UGT1A8: variants seen among roughly 807,000 people sequenced by gnomAD.
The protein encoded by UGT1A8 is UDP-glucuronosyltransferase 1A8.
A neutral mutation model predicts 45.3 loss-of-function variants in UGT1A8; 39 were observed. That is an observed-to-expected ratio of 0.86 (90% CI 0.67 to 1.12). UGT1A8 has a LOEUF of 1.12. UGT1A8 is among the 50% of genes most tolerant of loss of function. The pLI is 0.00. For missense variants in UGT1A8, 719 were observed against 664.9 expected (o/e 1.08, Z -0.90); for synonymous variants, 275 against 249.2 (o/e 1.10, Z -0.97).
intron 1 of UGT1A8, among the ~76,000 whole-genome samples, chr2:233,687,650 C>A (rs1194138465): frequency 1.3e-5 from 2 of 148,726 alleles, no homozygotes; most frequent in Non-Finnish European, 3.0e-5. Context: ...CACATGTAAT[C>A]ACAGCACTTT....
At chr2:233,754,607 T>G (rs1695531840) in intron 1 of UGT1A8, 1 of 435,160 alleles carries the variant, frequency 2.3e-6, no homozygotes, top group Admixed American at 2.6e-5. Flanking sequence ...AACTCAACTC[T>G]CCATCTTCCT....
At chr2:233,755,051 C>A in intron 1 of UGT1A8, 1 of 1,331,262 alleles carries the variant, frequency 7.5e-7, no homozygotes, top group East Asian at 4.6e-5. Flanking sequence ...AGCCGCCCTC[C>A]GCCCTCGCCT....
At chr2:233,722,847 T>TATGAAGACACTAC (rs1484611213) in intron 1 of UGT1A8, among the ~76,000 whole-genome samples, 1 of 139,226 alleles carries the variant, frequency 7.2e-6, no homozygotes, top group African/African-American at 2.9e-5. Flanking sequence ...GAATGTTTCT[T>TATGAAGACACTAC]TTTTTTTTTT....
chr2:233,768,209 T>C lies in UGT1A8; in HGVS notation c.1076-11T>C, dbSNP rs765320155. 1 of 1,614,150 alleles carries C rather than the reference T, an allele frequency of 6.2e-7. No individual in the cohort carries two copies. Among genetic ancestry groups the C allele is most frequent in the Admixed American group, 1.7e-5 (1 of 60,012 alleles). On this transcript the variant is annotated splice_polypyrimidine_tract_variant and intron_variant, in intron 3 of 4. Transcript: ENST00000373450. ...TGTAACTGCTGACATCCTCCCTATT[T>C]TGCATCTCAGGTCACCCGATGACCC...
At chr2:233,688,283 T>A (rs2074886273) in intron 1 of UGT1A8, among the ~76,000 whole-genome samples, 1 of 152,264 alleles carries the variant, frequency 6.6e-6, no homozygotes, top group Non-Finnish European at 1.5e-5. Context: ...TTGTATGGAT[T>A]TACCGCATTT....
chr2:233,655,474 C>T (rs1222495354), intron 1 of UGT1A8, among the ~76,000 whole-genome samples: 1 of 152,196 alleles, frequency 6.6e-6, no homozygotes, highest in Non-Finnish European at 1.5e-5. Flanking sequence ...TAAGGAGGCT[C>T]ATGCTTCTCT....
intron 1 of UGT1A8, among the ~76,000 whole-genome samples, chr2:233,692,638 A>G (rs1027065840): frequency 6.6e-6 from 1 of 152,230 alleles, no homozygotes; most frequent in African/African-American, 2.4e-5. Flanking sequence ...GACAACGTCA[A>G]TGATGAGGAA....
chr2:233,713,432 T>C (rs2125633879), intron 1 of UGT1A8: 1 of 1,614,202 alleles, frequency 6.2e-7, no homozygotes, highest in East Asian at 2.2e-5. Flanking sequence ...CTTCCTTTGA[T>C]GTGGTTCTAA....
intron 1 of UGT1A8, chr2:233,729,786 G>A: frequency 6.2e-7 from 1 of 1,613,972 alleles, no homozygotes; most frequent in East Asian, 2.2e-5. Flanking sequence ...CTCTGGCCCT[G>A]TCCTACATTT....
intron 1 of UGT1A8, among the ~76,000 whole-genome samples, chr2:233,763,852 CACAG>C (rs1251702771): frequency 6.6e-6 from 1 of 152,136 alleles, no homozygotes; most frequent in Admixed American, 6.5e-5. Flanking sequence ...AGCAGTGGTT[CACAG>C]ACAATCGCAA....
intron 1 of UGT1A8, among the ~76,000 whole-genome samples, chr2:233,686,879 G>T (rs1321827136): frequency 1.1e-4 from 16 of 151,924 alleles, no homozygotes; most frequent in Admixed American, 4.6e-4. Flanking sequence ...CACTTTTTCT[G>T]CATGATTCCT....
intron 1 of UGT1A8, chr2:233,743,980 G>C: frequency 7.7e-7 from 1 of 1,302,864 alleles, no homozygotes; most frequent in Non-Finnish European, 1.0e-6. Context: ...CCAGCACCCA[G>C]GCGCAGGCCC....
In UGT1A8 at chr2:233,641,297, G is replaced by A. The variant is rs190143348; in HGVS notation, c.855+22735G>A. ...TTGCCACCCATGACAGTTACCATAAGGCTTGCAAATACTATCTTATAAACC... is the reference window on the plus strand; with the variant it reads ...TTGCCACCCATGACAGTTACCATAAAGCTTGCAAATACTATCTTATAAACC... On this transcript the variant is annotated intron_variant, in intron 1 of 4. Coordinates refer to ENST00000373450, the MANE Select transcript of UGT1A8 (RefSeq NM_019076.5). Among the ~76,000 whole-genome samples the A allele has an allele frequency of 1.3e-3, 191 of 152,176 alleles. 1 individual carries two copies. The highest frequency in any genetic ancestry group is 4.3e-3 in the African/African-American group (179 of 41,532).
chr2:233,770,662 A>G (rs1700129154), intron 4 of UGT1A8: 1 of 140,356 alleles, frequency 7.1e-6, no homozygotes, highest in Non-Finnish European at 1.6e-5. Context: ...CGTCTTACTT[A>G]AAAAAAAAAA....
At chr2:233,666,908 C>T (rs527488581) in intron 1 of UGT1A8, among the ~76,000 whole-genome samples, 1 of 150,656 alleles carries the variant, frequency 6.6e-6, no homozygotes, top group Admixed American at 6.7e-5. Context: ...TGTTTGGTTT[C>T]TTGTCCTTGT....
At chr2:233,668,811 T>C (rs1231364815) in intron 1 of UGT1A8, among the ~76,000 whole-genome samples, 1 of 152,216 alleles carries the variant, frequency 6.6e-6, no homozygotes, top group Non-Finnish European at 1.5e-5. Flanking sequence ...TTACCTAATG[T>C]CCTTGTTCTT....
At chr2:233,739,807 G>T (rs527239626) in intron 1 of UGT1A8, among the ~76,000 whole-genome samples, 26 of 152,152 alleles carry the variant, frequency 1.7e-4, no homozygotes, top group African/African-American at 5.3e-4. Flanking sequence ...GGGAAGGCAT[G>T]ATTGGTTTTT....
chr2:233,671,640 A>G (rs1008430775), intron 1 of UGT1A8, among the ~76,000 whole-genome samples: 1 of 152,234 alleles, frequency 6.6e-6, no homozygotes, highest in African/African-American at 2.4e-5. Flanking sequence ...GTCCAAAAGC[A>G]TTGGTTAATA....
chr2:233,665,316 A>G (rs1559330852), intron 1 of UGT1A8, among the ~76,000 whole-genome samples: 1 of 152,202 alleles, frequency 6.6e-6, no homozygotes, highest in East Asian at 1.9e-4. Flanking sequence ...CTTTTTGCAC[A>G]TTAGTATGTA....
Sources: gnomAD v4.1 joint callset for allele counts (sites outside exome capture counted in the v4.1 genomes callset) on GRCh38, gnomAD v4.1.1 for gene constraint, MANE v1.5 for transcripts, NCBI Gene and HGNC (gene_info 2026-07-23, HGNC 2026-07-21) for gene names.